GADL1: variants seen among roughly 807,000 people sequenced by gnomAD.
The protein encoded by GADL1 is GAD like acidic amino acid decarboxylase 1.
A neutral mutation model predicts 69.5 loss-of-function variants in GADL1; 71 were observed. That is an observed-to-expected ratio of 1.02 (90% CI 0.84 to 1.25). The LOEUF is 1.25. GADL1 is among the 50% of genes most tolerant of loss of function. The pLI, the probability that GADL1 is intolerant of heterozygous loss-of-function variation, is 0.00. For synonymous variants in GADL1, 254 were observed against 214.4 expected (o/e 1.18, Z -1.62); for missense variants, 737 against 631.8 (o/e 1.17, Z -1.79).
intron 8 of GADL1, among the ~76,000 whole-genome samples, chr3:30,840,261 G>A (rs191329149): frequency 1.3e-5 from 2 of 152,234 alleles, no homozygotes. Flanking sequence ...ACTTTTGACA[G>A]AAAGATGTTA....
At chr3:30,793,857 C>G (rs182814647) in intron 12 of GADL1, among the ~76,000 whole-genome samples, 40 of 152,284 alleles carry the variant, frequency 2.6e-4, no homozygotes, top group Non-Finnish European at 5.6e-4. Flanking sequence ...CTAGTCTCAT[C>G]TTCTCATTTG....
intron 11 of GADL1, among the ~76,000 whole-genome samples, chr3:30,826,109 A>T (rs1256821882): frequency 6.6e-6 from 1 of 151,850 alleles, no homozygotes; most frequent in Non-Finnish European, 1.5e-5. Flanking sequence ...TTATTCCTTT[A>T]ATCTTATGTC....
intron 1 of GADL1, among the ~76,000 whole-genome samples, chr3:30,871,880 A>T (rs1698487899): frequency 6.6e-6 from 1 of 150,500 alleles, no homozygotes; most frequent in East Asian, 1.9e-4. Flanking sequence ...ATAGTACATC[A>T]TAAACCCTGC....
At chr3:30,802,370 ACT>A (rs1246256447) in intron 11 of GADL1, among the ~76,000 whole-genome samples, 1 of 152,182 alleles carries the variant, frequency 6.6e-6, no homozygotes, top group African/African-American at 2.4e-5. Context: ...CAATGATTCC[ACT>A]CTCAATGCCC....
chr3:30,855,892 T>C (rs1489693143), intron 3 of GADL1, among the ~76,000 whole-genome samples: 2 of 151,264 alleles, frequency 1.3e-5, no homozygotes, highest in African/African-American at 4.9e-5. Flanking sequence ...AGAAAATGTC[T>C]TTTCAGCTTA....
chr3:30,732,954 G>A (rs1004578564), intron 14 of GADL1, among the ~76,000 whole-genome samples: 47 of 152,110 alleles, frequency 3.1e-4, no homozygotes, highest in African/African-American at 1.1e-3. Context: ...CTACTAGGGA[G>A]GCTGCGGCAC....
chr3:30,761,215 T>G (rs711683), intron 14 of GADL1, among the ~76,000 whole-genome samples: 1 of 151,730 alleles, frequency 6.6e-6, no homozygotes, highest in African/African-American at 2.4e-5. Context: ...TCACATTATA[T>G]ATTGAGAGAT....
chr3:30,832,749 T>C (rs769251625), intron 11 of GADL1, among the ~76,000 whole-genome samples: 5 of 152,066 alleles, frequency 3.3e-5, no homozygotes, highest in Admixed American at 6.6e-5. Context: ...TTAAACTACC[T>C]TTTAGTTACA....
chr3:30,732,565 A>G (rs1017212154), intron 14 of GADL1, among the ~76,000 whole-genome samples: 1 of 152,160 alleles, frequency 6.6e-6, no homozygotes, highest in African/African-American at 2.4e-5. Context: ...TTTGATATTT[A>G]AAAGTTGCTT....
At chr3:30,769,284 T>C (rs944766436) in intron 14 of GADL1, among the ~76,000 whole-genome samples, 1 of 152,162 alleles carries the variant, frequency 6.6e-6, no homozygotes, top group Non-Finnish European at 1.5e-5. Context: ...GAAATACTTA[T>C]GACCTGAACC....
At chr3:30,832,351 A>C (rs1280330261) in intron 11 of GADL1, among the ~76,000 whole-genome samples, 2 of 151,920 alleles carry the variant, frequency 1.3e-5, no homozygotes, top group African/African-American at 2.4e-5. Flanking sequence ...AAAAAAAAAA[A>C]AACCCTGTTA....
chr3:30,757,243 A>G (rs1169421248), intron 14 of GADL1, among the ~76,000 whole-genome samples: 2 of 152,158 alleles, frequency 1.3e-5, no homozygotes, highest in African/African-American at 4.8e-5. Context: ...GTCTCAATCA[A>G]GAGTCAAATA....
In GADL1 at chr3:30,761,928, A is replaced by ATATG. The variant is rs529790862; in HGVS notation, c.1392+16247_1392+16250dup. Among the ~76,000 whole-genome samples the ATATG allele has an allele frequency of 1.5e-4, 23 of 152,240 alleles. No individual in the cohort carries two copies. The East Asian group carries it at 4.1e-3, about 27-fold the overall frequency. ...GTTTATATGCATGTGTATATGTATT[A>ATATG]TATGTATATAATATCTGGGGCCGTG... On this transcript the variant is annotated intron_variant, in intron 14 of 14. Coordinates refer to ENST00000282538, the MANE Select transcript of GADL1 (RefSeq NM_207359.3).
At position 30,889,233 on chromosome 3, in the gene GADL1, G is replaced by A. The variant is rs1698752058; in HGVS notation, c.37+5345C>T. 3.3e-5 allele frequency among the ~76,000 whole-genome samples: 5 copies of A among 152,030 alleles called. No individual in the cohort carries two copies. In the South Asian group the frequency reaches 1.0e-3, roughly 32 times the overall value. On this transcript the variant is annotated intron_variant, in intron 1 of 14. Coordinates refer to ENST00000282538, the MANE Select transcript of GADL1 (RefSeq NM_207359.3). ...GGGAGGCAAGACAGCGTGTGCAGTG[G>A]AACTGCCCTTTATAAAACCACTGAG... is the stretch of plus-strand genomic sequence containing the variant.
chr3:30,856,279 T>C (rs1698228936), intron 3 of GADL1, among the ~76,000 whole-genome samples: 1 of 152,076 alleles, frequency 6.6e-6, no homozygotes, highest in Admixed American at 6.6e-5. Context: ...TACCTTTACA[T>C]TACACTGACA....
intron 1 of GADL1, among the ~76,000 whole-genome samples, chr3:30,886,226 T>C (rs1177923094): frequency 6.6e-6 from 1 of 152,080 alleles, no homozygotes; most frequent in African/African-American, 2.4e-5. Flanking sequence ...AGAAGCCCAA[T>C]AGATAAAATG....
At chr3:30,790,085 A>G (rs189821723) in intron 12 of GADL1, among the ~76,000 whole-genome samples, 196 of 152,268 alleles carry the variant, frequency 1.3e-3, no homozygotes, top group Non-Finnish European at 2.2e-3. Flanking sequence ...ATCCTCACTA[A>G]GCTTTAACCA....
At chr3:30,807,803 G>A (rs1023888107) in intron 11 of GADL1, among the ~76,000 whole-genome samples, 2 of 152,032 alleles carry the variant, frequency 1.3e-5, no homozygotes, top group Non-Finnish European at 1.5e-5. Flanking sequence ...AGGCTGAGTC[G>A]GGCAGATCAC....
rs530667923 is a variant in GADL1 at position 30,773,242 on chromosome 3, T to C, written c.1392+4937A>G. Among the ~76,000 whole-genome samples, 28 of 152,322 alleles carry C rather than the reference T, an allele frequency of 1.8e-4. No homozygotes were observed. In the South Asian group the frequency reaches 5.2e-3, roughly 28 times the overall value. ...TTTCTAAGGTAATACATGTAGATAA[T>C]TTTTAAATGGTAAAAACGTACCATA... On this transcript the variant is annotated intron_variant, in intron 14 of 14. Transcript: ENST00000282538.
Sources: allele counts gnomAD v4.1 joint callset (sites outside exome capture counted in the v4.1 genomes callset), GRCh38; gene constraint gnomAD v4.1.1; transcripts MANE v1.5; gene names NCBI Gene and HGNC (gene_info 2026-07-23, HGNC 2026-07-21).